ASTN2: variants seen among roughly 807,000 people sequenced by gnomAD.
ASTN2 encodes astrotactin 2, also known as astrotactin-2.
In ASTN2, 54 loss-of-function variants were observed where a neutral mutation model predicts 139.8. That is an observed-to-expected ratio of 0.39 (90% confidence interval 0.31 to 0.48). The LOEUF (loss-of-function observed/expected upper bound fraction) is 0.48, where lower values mean the gene tolerates loss of function less well. Ranked by LOEUF, ASTN2 falls within the 20% of genes least tolerant of loss-of-function variation. The pLI is 0.95. For missense variants in ASTN2, 1,565 were observed against 1,725.1 expected (o/e 0.91, Z 1.64); for synonymous variants, 756 against 719.5 (o/e 1.05, Z -0.81).
intron 19 of ASTN2, among the ~76,000 whole-genome samples, chr9:116,515,338 A>T (rs1850598762): frequency 6.6e-6 from 1 of 152,176 alleles, no homozygotes; most frequent in Non-Finnish European, 1.5e-5. Flanking sequence ...TGGACGTGAG[A>T]TCTAGATGTG....
intron 5 of ASTN2, among the ~76,000 whole-genome samples, chr9:117,065,721 T>C (rs1348789507): frequency 1.1e-4 from 17 of 152,210 alleles, no homozygotes; most frequent in Non-Finnish European, 7.3e-5. Flanking sequence ...TTGTCAATTA[T>C]AGAACCCACA....
At chr9:117,381,421 T>G (rs1357958785) in intron 1 of ASTN2, among the ~76,000 whole-genome samples, 2 of 151,104 alleles carry the variant, frequency 1.3e-5, no homozygotes, top group Non-Finnish European at 2.9e-5. Flanking sequence ...TGGTGGGAGG[T>G]CACAGAATCA....
chr9:117,201,891 C>G (rs1831734885), intron 3 of ASTN2, among the ~76,000 whole-genome samples: 1 of 152,080 alleles, frequency 6.6e-6, no homozygotes, highest in Non-Finnish European at 1.5e-5. Context: ...TCCTGAATAT[C>G]CTTGTTAATT....
intron 6 of ASTN2, among the ~76,000 whole-genome samples, chr9:117,035,692 G>A (rs1352267829): frequency 1.3e-5 from 2 of 152,166 alleles, no homozygotes; most frequent in East Asian, 3.9e-4. Flanking sequence ...TTCTGCCAAA[G>A]GAGGCATTGG....
intron 20 of ASTN2, among the ~76,000 whole-genome samples, chr9:116,469,625 A>G (rs1848751780): frequency 6.6e-6 from 1 of 152,090 alleles, no homozygotes; most frequent in African/African-American, 2.4e-5. Context: ...TTCATCTCTA[A>G]AGTGAGAGGG....
intron 4 of ASTN2, among the ~76,000 whole-genome samples, chr9:117,104,669 G>A (rs60456366): frequency 0.056 from 8,516 of 152,130 alleles, 537 homozygotes; most frequent in East Asian, 0.18. Flanking sequence ...AAGGTGTTAC[G>A]GTGGTTTTTC....
At chr9:116,987,153 C>T (rs1564372063) in intron 7 of ASTN2, among the ~76,000 whole-genome samples, 1 of 152,230 alleles carries the variant, frequency 6.6e-6, no homozygotes, top group East Asian at 1.9e-4. Context: ...GTGTCCTCAA[C>T]CAAATCTCAT....
intron 5 of ASTN2, among the ~76,000 whole-genome samples, chr9:117,083,937 T>G (rs1043364138): frequency 6.6e-6 from 1 of 151,872 alleles, no homozygotes; most frequent in Non-Finnish European, 1.5e-5. Flanking sequence ...GTTTTTATAG[T>G]TAGCTGGCTT....
intron 19 of ASTN2, among the ~76,000 whole-genome samples, chr9:116,600,323 C>CAAAAAAAA (rs35224783): frequency 6.7e-5 from 8 of 118,934 alleles, no homozygotes; most frequent in Non-Finnish European, 1.1e-4. Flanking sequence ...GACCCTGTCT[C>CAAAAAAAA]AAAAAAAAAA....
At chr9:117,121,921 C>G (rs1829568449) in intron 4 of ASTN2, among the ~76,000 whole-genome samples, 1 of 152,188 alleles carries the variant, frequency 6.6e-6, no homozygotes, top group South Asian at 2.1e-4. Flanking sequence ...ATCTTGAGAA[C>G]AGCAAGGGGG....
At chr9:116,723,076 A>C (rs1828517905) in intron 16 of ASTN2, among the ~76,000 whole-genome samples, 5 of 152,076 alleles carry the variant, frequency 3.3e-5, no homozygotes, top group Non-Finnish European at 5.9e-5. Flanking sequence ...GAGGCAGGAG[A>C]ATGGCGTGAA....
At position 117,311,317 on chromosome 9, in the gene ASTN2, T is replaced by C. The variant is rs181407328; in HGVS notation, c.443-19804A>G. ...TTGATTTCTAAATTTATCCTCCTAA[T>C]GAAATCATCTCCGGCAGACCCTGTT... On this transcript the variant is annotated intron_variant, in intron 1 of 22. Transcript: ENST00000313400. Among the ~76,000 whole-genome samples the C allele has an allele frequency of 6.1e-4, 92 of 152,048 alleles. 1 individual carries two copies. Among genetic ancestry groups the C allele is most frequent in the Admixed American group, 1.4e-3 (21 of 15,298 alleles).
chr9:116,473,590 C>T (rs1848885003), intron 20 of ASTN2, among the ~76,000 whole-genome samples: 3 of 152,134 alleles, frequency 2.0e-5, no homozygotes, highest in Admixed American at 2.0e-4. Flanking sequence ...GTCATCATTT[C>T]AGTTGGCAGA....
intron 7 of ASTN2, among the ~76,000 whole-genome samples, chr9:116,994,838 A>G (rs142160482): frequency 2.2e-4 from 33 of 152,240 alleles, no homozygotes; most frequent in African/African-American, 7.9e-4. Context: ...ATTTCACTCA[A>G]TCCATGTTTT....
chr9:116,666,206 AC>A (rs1858852555), intron 16 of ASTN2, among the ~76,000 whole-genome samples: 1 of 152,204 alleles, frequency 6.6e-6, no homozygotes, highest in South Asian at 2.1e-4. Flanking sequence ...TAATGTGACT[AC>A]AAGTAGTACA....
At chr9:117,326,028 A>G (rs1393614328) in intron 1 of ASTN2, among the ~76,000 whole-genome samples, 1 of 152,168 alleles carries the variant, frequency 6.6e-6, no homozygotes, top group African/African-American at 2.4e-5. Context: ...AGAAGAGGCC[A>G]CACAGCGGAG....
At position 117,099,070 on chromosome 9, in the gene ASTN2, A is replaced by G. The variant is rs148407562; in HGVS notation, c.1169-2919T>C. ...TGCAGTGAGCCGAGATCAAGCCACT[A>G]CACTCCAGCCTGGGTGACAGAGCGA... On this transcript the variant is annotated intron_variant, in intron 4 of 22. Coordinates refer to ENST00000313400, the MANE Select transcript of ASTN2 (RefSeq NM_001365068.1). Among the ~76,000 whole-genome samples, 1,064 of 149,660 alleles carry G rather than the reference A, an allele frequency of 7.1e-3. 15 individuals are homozygous for G. The highest frequency in any genetic ancestry group is 0.025 in the African/African-American group (1,024 of 40,580).
intron 2 of ASTN2, among the ~76,000 whole-genome samples, chr9:117,276,194 A>G (rs1298897972): frequency 6.6e-6 from 1 of 152,196 alleles, no homozygotes; most frequent in East Asian, 1.9e-4. Context: ...TCCATGCCTC[A>G]CAATGATTTT....
In ASTN2 at chr9:116,984,633, G is replaced by T. The variant is rs181928269; in HGVS notation, c.1592-7848C>A. Among the ~76,000 whole-genome samples, 46 of 152,272 alleles carry T rather than the reference G, an allele frequency of 3.0e-4. No homozygotes were observed. In the East Asian group the frequency reaches 7.3e-3, roughly 24 times the overall value. On this transcript the variant is annotated intron_variant, in intron 7 of 22. Coordinates refer to ENST00000313400, the MANE Select transcript of ASTN2 (RefSeq NM_001365068.1). ...CAAAGTCAATGAAGGAGAGACTAAA[G>T]TAAGAGGGAGAGGAGAAAAGGGAAA...
Sources: allele counts gnomAD v4.1 joint callset (sites outside exome capture counted in the v4.1 genomes callset), GRCh38; gene constraint gnomAD v4.1.1; transcripts MANE v1.5; gene names NCBI Gene and HGNC (gene_info 2026-07-23, HGNC 2026-07-21).